The following MSTN variants were observed in gnomAD, a reference collection of about 807,000 sequenced individuals.
MSTN encodes the protein myostatin.
A neutral mutation model predicts 32.3 loss-of-function variants in MSTN; 12 were observed. The ratio of observed to expected loss-of-function variants is 0.37; its 90% CI spans 0.24 to 0.60. MSTN has a LOEUF of 0.60. MSTN is among the 20% of genes least tolerant of loss of function. The pLI is 0.67. For synonymous variants in MSTN, 168 were observed against 155.1 expected, an observed-to-expected ratio of 1.08 and a Z score of -0.62; for missense variants, 403 against 450.3, an observed-to-expected ratio of 0.89 and a Z score of 0.95.
At position 190,060,101 on chromosome 2, in the gene MSTN, A is replaced by G. The variant is rs1454100392; in HGVS notation, c.708T>C (p.Asp236=). 2.5e-6 allele frequency: 4 copies of G among 1,612,662 alleles called. No individual in the cohort carries two copies. The highest frequency in any genetic ancestry group is 3.4e-6 in the Non-Finnish European group (4 of 1,179,054). Residue 236 remains aspartate, a synonymous_variant, in exon 2 of 3, where the codon GAT becomes GAC. Coordinates refer to ENST00000260950, the MANE Select transcript of MSTN (RefSeq NM_005259.3). Reference sequence around the variant, plus strand: ...CTGGTCCTGGGAAGGTTACAGCAAGATCATGACCATTCTCATCTAAAGCTT... The same window carrying G: ...CTGGTCCTGGGAAGGTTACAGCAAGGTCATGACCATTCTCATCTAAAGCTT... ...EIKALDENGH[D]LAVTFPGPGE...
At position 190,062,558 on chromosome 2, in the gene MSTN, A is replaced by G; in HGVS notation, c.39T>C (p.Phe13=). Residue 13 remains phenylalanine, a synonymous_variant, in exon 1 of 3, where the codon TTT becomes TTC. Coordinates refer to ENST00000260950, the MANE Select transcript of MSTN (RefSeq NM_005259.3). Reference sequence around the variant, plus strand: ...CCACTGGACCAGCAACAATCAGCATAAACAGGTAAATATAAACACAGAGTT... The same window carrying G: ...CCACTGGACCAGCAACAATCAGCATGAACAGGTAAATATAAACACAGAGTT... ...KLQLCVYIYL[F]MLIVAGPVDL... 1 of 1,613,140 alleles carries G rather than the reference A, an allele frequency of 6.2e-7. No individual in the cohort carries two copies. The highest frequency in any genetic ancestry group is 8.5e-7 in the Non-Finnish European group (1 of 1,179,448).
chr2:190,060,805 A>C (rs1415907619), intron 1 of MSTN, among the ~76,000 whole-genome samples: 1 of 151,980 alleles, frequency 6.6e-6, no homozygotes, highest in Non-Finnish European at 1.5e-5. Flanking sequence ...TGGGAATCTG[A>C]GTAGTTACAC....
rs533868287 is a variant in MSTN at position 190,062,119 on chromosome 2, C to G, written c.373+105G>C. 11 of 1,222,956 alleles carry G rather than the reference C, an allele frequency of 9.0e-6. 1 individual carries two copies. The South Asian group carries it at 1.5e-4, about 16-fold the overall frequency. The allele number at this position is 1,222,956 out of a possible 1,614,324, so 75.8% of individuals were successfully genotyped here. A position where few individuals can be genotyped will look rare whatever the true frequency, so the allele number is the denominator to read the frequency against. ...AACTCTTTTCCTTTCTACTTACATACAGGCCAACAGCTTGTTTAAAAGAGC... is the reference window on the plus strand; with the variant it reads ...AACTCTTTTCCTTTCTACTTACATAGAGGCCAACAGCTTGTTTAAAAGAGC... On this transcript the variant is annotated intron_variant, in intron 1 of 2. Coordinates refer to ENST00000260950, the MANE Select transcript of MSTN (RefSeq NM_005259.3).
Position 190,062,431 on chromosome 2 carries a change from T to G in MSTN, c.166A>C (p.Ile56Leu). 1.9e-6 allele frequency: 3 copies of G among 1,613,524 alleles called. No individual in the cohort carries two copies. Among genetic ancestry groups the G allele is most frequent in the Non-Finnish European group, 2.5e-6 (3 of 1,179,608 alleles). ...QNTKSSRIEA[I>L]KIQILSKLRL... is the part of the protein sequence containing the mutation. ...AGTTTACTGAGGATTTGTATCTTAA[T>G]GGCTTCTATTCTTGAAGATTTAGTG... Residue 56 changes from isoleucine to leucine, a missense_variant, in exon 1 of 3, where the codon ATT becomes CTT. By Grantham distance (5) the Ile-to-Leu change is conservative (BLOSUM62 2). Transcript: ENST00000260950.
In MSTN at chr2:190,056,173, G is replaced by C. The variant is rs1685421225; in HGVS notation, c.*1085C>G. 1 of 152,470 alleles carries C rather than the reference G, an allele frequency of 6.6e-6. No homozygotes were observed. The highest frequency in any genetic ancestry group is 1.5e-5 in the Non-Finnish European group (1 of 67,966). 9.4% of individuals were successfully genotyped at this position (152,470 alleles called of 1,614,324 possible). A position where few individuals can be genotyped will look rare whatever the true frequency, so the allele number is the denominator to read the frequency against. ...TCTGCTAATTTGCTCTGAAATATAA[G>C]TAGTTGCTTTTCTGTGATGCATGAC... On this transcript the variant is annotated 3_prime_UTR_variant, in exon 3 of 3. Transcript: ENST00000260950.
chr2:190,057,744 A>C, intron 2 of MSTN, 106 bp from the exon 3 acceptor site: 1 of 1,216,744 alleles, frequency 8.2e-7, no homozygotes, highest in South Asian at 1.3e-5. Context: ...AATTTTGCTC[A>C]TACCACATTT....
rs372790208 is a variant in MSTN, at chr2:190,062,575, C to T, written c.22G>A (p.Val8Ile). 1.2e-6 allele frequency: 2 copies of T among 1,612,286 alleles called. No homozygotes were observed. Among genetic ancestry groups the T allele is most frequent in the Non-Finnish European group, 1.7e-6 (2 of 1,179,148 alleles). MQKLQLC[V>I]YIYLFMLIVA... ...ATCAGCATAAACAGGTAAATATAAA[C>T]ACAGAGTTGCAGTTTTTGCATGATT... The change falls in exon 1 of 3, where the codon GTT (valine) becomes ATT (isoleucine). Residue 8 changes from valine (V) to isoleucine (I), a missense_variant. Transcript: ENST00000260950.
chr2:190,060,291 A>T lies in MSTN; in HGVS notation c.518T>A (p.Ile173Asn). 6.2e-7 allele frequency: 1 copy of T among 1,613,042 alleles called. No homozygotes were observed. Among genetic ancestry groups the T allele is most frequent in the Non-Finnish European group, 8.5e-7 (1 of 1,179,312 alleles). Residue 173 changes from isoleucine to asparagine, a missense_variant, in exon 2 of 3, where the codon ATC (isoleucine) becomes AAC (asparagine). Coordinates refer to ENST00000260950, the MANE Select transcript of MSTN (RefSeq NM_005259.3). The stretch of plus-strand genomic sequence containing the variant: ...TTTCATAGGTTTGATGAGTCTCAGG[A>T]TTTGCACAAACACTGTTGTAGGAGT... ...VETPTTVFVQILRLIKPMKDG... is the reference protein window; with the variant it reads ...VETPTTVFVQNLRLIKPMKDG...
Position 190,057,091 on chromosome 2 carries a change from C to A in MSTN, c.*167G>T. Reference sequence around the variant, plus strand: ...ATGATTTGTTTGGATGGTTAAATGCCAACCATTGCATATATTCCCCCTTTT... The same window carrying A: ...ATGATTTGTTTGGATGGTTAAATGCAAACCATTGCATATATTCCCCCTTTT... On this transcript the variant is annotated 3_prime_UTR_variant, in exon 3 of 3. Transcript: ENST00000260950. 1.5e-6 allele frequency: 1 copy of A among 677,372 alleles called. No individual in the cohort carries two copies. Among genetic ancestry groups the A allele is most frequent in the Non-Finnish European group, 2.4e-6 (1 of 410,160 alleles). 42.0% of individuals were successfully genotyped at this position (677,372 alleles called of 1,614,324 possible).
At position 190,057,116 on chromosome 2, in the gene MSTN, T is replaced by C; in HGVS notation, c.*142A>G. On this transcript the variant is annotated 3_prime_UTR_variant, in exon 3 of 3. Transcript: ENST00000260950. Reference sequence around the variant, plus strand: ...CAACCATTGCATATATTCCCCCTTTTAGTTTACATACTGTAGCTTATGCTT... The same window carrying C: ...CAACCATTGCATATATTCCCCCTTTCAGTTTACATACTGTAGCTTATGCTT... The C allele has an allele frequency of 2.5e-6, 2 of 796,856 alleles. No individual in the cohort carries two copies. Among genetic ancestry groups the C allele is most frequent in the Non-Finnish European group, 4.0e-6 (2 of 503,816 alleles). 49.4% of individuals were successfully genotyped at this position (796,856 alleles called of 1,614,324 possible).
chr2:190,057,098 T>C lies in MSTN; in HGVS notation c.*160A>G. ...GTTTGGATGGTTAAATGCCAACCAT[T>C]GCATATATTCCCCCTTTTAGTTTAC... On this transcript the variant is annotated 3_prime_UTR_variant, in exon 3 of 3. Coordinates refer to ENST00000260950, the MANE Select transcript of MSTN (RefSeq NM_005259.3). The C allele has an allele frequency of 8.5e-6, 6 of 704,862 alleles. No individual in the cohort carries two copies. The highest frequency in any genetic ancestry group is 1.4e-5 in the Non-Finnish European group (6 of 429,646). The allele number at this position is 704,862 out of a possible 1,614,324, so 43.7% of individuals were successfully genotyped here.
At chr2:190,060,538 C>A in intron 1 of MSTN, 103 bp from the exon 2 acceptor site, 13 of 964,004 alleles carry the variant, frequency 1.3e-5, no homozygotes, top group Non-Finnish European at 2.0e-5. Flanking sequence ...ATAATGTATG[C>A]CTATGCAGTC....
chr2:190,061,329 GTT>G (rs1685587938), intron 1 of MSTN, among the ~76,000 whole-genome samples: 1 of 152,014 alleles, frequency 6.6e-6, no homozygotes, highest in Non-Finnish European at 1.5e-5. Flanking sequence ...CAAGGTGCCT[GTT>G]TCTCTTTCCT....
At chr2:190,060,748 T>TA (rs1284803841) in intron 1 of MSTN, among the ~76,000 whole-genome samples, 2 of 151,930 alleles carry the variant, frequency 1.3e-5, no homozygotes, top group Non-Finnish European at 2.9e-5. Flanking sequence ...TGATGATGAT[T>TA]AGAGAGAACA....
At chr2:190,058,522 G>T (rs1685501143) in intron 2 of MSTN, among the ~76,000 whole-genome samples, 1 of 151,850 alleles carries the variant, frequency 6.6e-6, no homozygotes, top group African/African-American at 2.4e-5. Flanking sequence ...AGATCATTTA[G>T]AAAATTGTAT....
In MSTN at chr2:190,060,343, G is replaced by T. The variant is rs35493945; in HGVS notation, c.466C>A (p.Leu156Ile). 1.8e-4 allele frequency: 286 copies of T among 1,612,472 alleles called. No homozygotes were observed. In the East Asian group the frequency reaches 6.4e-3, roughly 36 times the overall value. Residue 156 changes from leucine to isoleucine, a missense_variant, in exon 2 of 3, where the codon CTA becomes ATA. Leu to Ile is a conservative substitution (Grantham distance 5). Transcript: ENST00000260950. Reference sequence around the variant, plus strand: ...TCGACGGGTCTCAAATATATCCATAGTTGGGCCTTTACTACTTTATTGTAT... The same window carrying T: ...TCGACGGGTCTCAAATATATCCATATTTGGGCCTTTACTACTTTATTGTAT... The part of the protein sequence containing the change: ...IQYNKVVKAQ[L>I]WIYLRPVETP...
rs772926315 is a variant in MSTN, at chr2:190,057,664, G to A, written c.748-26C>T. On this transcript the variant is annotated intron_variant, in intron 2 of 2. Transcript: ENST00000260950. Reference sequence around the variant, plus strand: ...CTGTTTGAAAAGGAAAGAACAATCAGTAATATCAATAGGCCTGGAAACACT... The same window carrying A: ...CTGTTTGAAAAGGAAAGAACAATCAATAATATCAATAGGCCTGGAAACACT... 5 of 1,611,164 alleles carry A rather than the reference G, an allele frequency of 3.1e-6. No individual in the cohort carries two copies. In the South Asian group the frequency reaches 5.5e-5, roughly 18 times the overall value.
intron 2 of MSTN, among the ~76,000 whole-genome samples, chr2:190,058,987 CAT>C (rs140827095): frequency 0.07 from 10,588 of 151,318 alleles, 867 homozygotes; most frequent in African/African-American, 0.2. Context: ...TGAAGTAAAA[CAT>C]GTGTGTGTGT....
At chr2:190,062,102 T>C (rs1223262866) in intron 1 of MSTN, 122 bp downstream of exon 1, 6 of 1,005,294 alleles carry the variant, frequency 6.0e-6, no homozygotes, top group Non-Finnish European at 8.9e-6. Context: ...GAAACTCTTT[T>C]CCTTTCTACT....
Sources: gnomAD v4.1 joint callset for allele counts (sites outside exome capture counted in the v4.1 genomes callset) on GRCh38, gnomAD v4.1.1 for gene constraint, MANE v1.5 for transcripts, NCBI Gene and HGNC (gene_info 2026-07-23, HGNC 2026-07-21) for gene names.